Variants in PCDHGA1 observed in about 807,000 individuals in gnomAD.
The protein encoded by PCDHGA1 is protocadherin gamma subfamily A, 1.
PCDHGA1 carries 32 observed loss-of-function variants against 58.0 expected under a neutral mutation model. The ratio of observed to expected loss-of-function variants is 0.55; its 90% confidence interval spans 0.42 to 0.74. The LOEUF (loss-of-function observed/expected upper bound fraction) is 0.74, where lower values mean the gene tolerates loss of function less well. Among genes scored for constraint, PCDHGA1 ranks in the 30% least tolerant of loss-of-function variants. The pLI is 0.00. For missense variants in PCDHGA1, 1,205 were observed against 1,182.3 expected (o/e 1.02, Z -0.28); for synonymous variants, 498 against 501.1 (o/e 0.99, Z 0.08).
chr5:141,331,339 G>A lies in PCDHGA1; in HGVS notation c.655G>A (p.Glu219Lys). Residue 219 changes from glutamate to lysine, a missense_variant, in exon 1 of 4, where the codon GAA becomes AAA. Transcript: ENST00000517417. Reference protein sequence around the residue: ...HLILTASDGGEPVRSGTLRIY... With the variant: ...HLILTASDGGKPVRSGTLRIY... ...CATCCTCACAGCTTCTGATGGGGGTGAACCAGTCCGTTCAGGGACCCTCAG... is the reference window on the plus strand; with the variant it reads ...CATCCTCACAGCTTCTGATGGGGGTAAACCAGTCCGTTCAGGGACCCTCAG... The A allele has an allele frequency of 6.2e-7, 1 of 1,614,190 alleles. No individual in the cohort carries two copies. The highest frequency in any genetic ancestry group is 8.5e-7 in the Non-Finnish European group (1 of 1,180,046).
chr5:141,390,020 C>A, intron 1 of PCDHGA1: 2 of 1,614,048 alleles, frequency 1.2e-6, no homozygotes, highest in Non-Finnish European at 1.7e-6. Flanking sequence ...TTGCCTTGCG[C>A]CTGCGACGCT....
chr5:141,350,635 C>A (rs1452091095), intron 1 of PCDHGA1: 2 of 1,614,020 alleles, frequency 1.2e-6, no homozygotes, highest in Non-Finnish European at 1.7e-6. Context: ...ATATTAATGA[C>A]AATGCACCAC....
chr5:141,436,048 T>G (rs553708148), intron 1 of PCDHGA1, among the ~76,000 whole-genome samples: 1 of 152,316 alleles, frequency 6.6e-6, no homozygotes, highest in South Asian at 2.1e-4. Context: ...TACATTAGTT[T>G]TCAAATAGAA....
intron 1 of PCDHGA1, chr5:141,352,749 C>G: frequency 7.1e-7 from 1 of 1,413,856 alleles, no homozygotes; most frequent in South Asian, 1.3e-5. Flanking sequence ...CAGCACTTAA[C>G]CAGGCTGAGG....
At chr5:141,349,878 C>T (rs1335330888) in intron 1 of PCDHGA1, among the ~76,000 whole-genome samples, 1 of 152,058 alleles carries the variant, frequency 6.6e-6, no homozygotes, top group Non-Finnish European at 1.5e-5. Context: ...GATGAAGGCC[C>T]TTATCTGATG....
chr5:141,359,857 AAAAAG>A (rs1258075197), intron 1 of PCDHGA1, among the ~76,000 whole-genome samples: 2 of 152,330 alleles, frequency 1.3e-5, no homozygotes, highest in African/African-American at 4.8e-5. Context: ...TTATAAATTA[AAAAAG>A]AAAAGAAAAG....
At chr5:141,390,362 G>GA (rs1411664231) in intron 1 of PCDHGA1, 10 of 1,532,890 alleles carry the variant, frequency 6.5e-6, no homozygotes, top group Middle Eastern at 3.5e-4. Context: ...ATATTTGCAG[G>GA]AAAATATATA....
intron 1 of PCDHGA1, chr5:141,389,542 G>A (rs765744557): frequency 5.0e-6 from 8 of 1,613,080 alleles, no homozygotes; most frequent in African/African-American, 2.7e-5. Flanking sequence ...GTGGACGACC[G>A]CAACGACAAT....
At chr5:141,397,642 T>A (rs1015821056) in intron 1 of PCDHGA1, among the ~76,000 whole-genome samples, 1 of 152,236 alleles carries the variant, frequency 6.6e-6, no homozygotes, top group African/African-American at 2.4e-5. Context: ...GTTCAAGGTA[T>A]GTTTGCAGAA....
intron 1 of PCDHGA1, chr5:141,371,657 G>T: frequency 6.2e-7 from 1 of 1,613,988 alleles, no homozygotes; most frequent in Non-Finnish European, 8.5e-7. Context: ...ACAATGTGAC[G>T]ATCACAGCTA....
At chr5:141,474,130 C>T (rs28684928) in intron 1 of PCDHGA1, among the ~76,000 whole-genome samples, 6 of 152,160 alleles carry the variant, frequency 3.9e-5, no homozygotes. Context: ...TCTCAGAAAA[C>T]TACAGGCCTT....
At chr5:141,405,649 T>C (rs954605890) in intron 1 of PCDHGA1, 14 of 527,576 alleles carry the variant, frequency 2.7e-5, no homozygotes, top group Non-Finnish European at 6.7e-6. Flanking sequence ...TAATTTTTTG[T>C]GTGTTTTTAG....
chr5:141,432,521 G>A lies in PCDHGA1; in HGVS notation c.2422-62286G>A. The stretch of plus-strand genomic sequence containing the variant: ...CCGCTCCGCAGAGCCCGGCTACCTG[G>A]TGACCAAGGTGGTGGCGGTGGACAG... On this transcript the variant is annotated intron_variant, in intron 1 of 3. Coordinates refer to ENST00000517417, the MANE Select transcript of PCDHGA1 (RefSeq NM_018912.3). The surrounding 1 kb of genome is among the most constrained non-coding windows in gnomAD (Gnocchi z 6.0). The A allele has an allele frequency of 6.2e-7, 1 of 1,614,112 alleles. No homozygotes were observed. Among genetic ancestry groups the A allele is most frequent in the Non-Finnish European group, 8.5e-7 (1 of 1,180,028 alleles).
intron 1 of PCDHGA1, chr5:141,421,172 G>T: frequency 7.3e-7 from 1 of 1,366,164 alleles, no homozygotes. Flanking sequence ...AGATACATAA[G>T]CCGATTCACA....
At chr5:141,401,102 G>C (rs1372226488) in intron 1 of PCDHGA1, among the ~76,000 whole-genome samples, 3 of 152,150 alleles carry the variant, frequency 2.0e-5, no homozygotes, top group Non-Finnish European at 4.4e-5. Context: ...CCAGCACTTT[G>C]GGAGGCCGAG....
At chr5:141,408,400 G>A (rs2095097999) in intron 1 of PCDHGA1, 2 of 1,614,052 alleles carry the variant, frequency 1.2e-6, no homozygotes, top group Non-Finnish European at 1.7e-6. Flanking sequence ...CTCGCAAGCT[G>A]CGAGTGAGCG....
At position 141,332,095 on chromosome 5, in the gene PCDHGA1, A is replaced by G. The variant is rs748956412; in HGVS notation, c.1411A>G (p.Ile471Val). Residue 471 changes from isoleucine to valine, a missense_variant, in exon 1 of 4, where the codon ATC (isoleucine) becomes GTC (valine). Transcript: ENST00000517417. The surrounding 1 kb of genome is among the most constrained non-coding windows in gnomAD (Gnocchi z 4.6). Reference sequence around the variant, plus strand: ...CGAAAACAACCCCAGAGGAGCCTCCATCTTCTCTGTGAGGGCCCACGACTT... The same window carrying G: ...CGAAAACAACCCCAGAGGAGCCTCCGTCTTCTCTGTGAGGGCCCACGACTT... ...IPENNPRGAS[I>V]FSVRAHDLDS... 1.2e-6 allele frequency: 2 copies of G among 1,614,080 alleles called. No homozygotes were observed. Among genetic ancestry groups the G allele is most frequent in the Middle Eastern group, 1.6e-4 (1 of 6,062 alleles).
intron 1 of PCDHGA1, among the ~76,000 whole-genome samples, chr5:141,369,500 C>G (rs1329582945): frequency 2.0e-5 from 3 of 151,738 alleles, no homozygotes; most frequent in Non-Finnish European, 4.4e-5. Context: ...AACCCCACCT[C>G]TATAGAAAAA....
At position 141,398,948 on chromosome 5, in the gene PCDHGA1, A is replaced by T. The variant is rs775133149; in HGVS notation, c.2421+65843A>T. The T allele has an allele frequency of 2.5e-6, 4 of 1,613,958 alleles. No homozygotes were observed. The South Asian group carries it at 3.3e-5, about 13-fold the overall frequency. On this transcript the variant is annotated intron_variant, in intron 1 of 3. Transcript: ENST00000517417. The stretch of plus-strand genomic sequence containing the variant: ...GCCACTGACCAAGACGAGGGCATCA[A>T]CTCAGAAATTACTTATTCCTTCTAC...
Sources: gnomAD v4.1 joint callset for allele counts (sites outside exome capture counted in the v4.1 genomes callset) on GRCh38, gnomAD v4.1.1 for gene constraint, Gnocchi (gnomAD v3.1) non-coding constraint, MANE v1.5 for transcripts, NCBI Gene and HGNC (gene_info 2026-07-23, HGNC 2026-07-21) for gene names.